Variants in SCG5 observed in about 807,000 individuals in gnomAD.
SCG5 encodes the protein neuroendocrine protein 7B2.
A neutral mutation model predicts 25.7 loss-of-function variants in SCG5; 18 were observed. The observed-to-expected ratio is 0.70, with a 90% CI of 0.48 to 1.04. The LOEUF is 1.04. Among genes scored for constraint, SCG5 ranks in the 50% least tolerant of loss-of-function variants. The probability of loss-of-function intolerance (pLI) is 0.00; values close to 1 mark genes in which losing one functional copy is unlikely to be tolerated. For synonymous variants in SCG5, 101 were observed against 91.7 expected (o/e 1.10, Z -0.58); for missense variants, 206 against 259.8 (o/e 0.79, Z 1.42).
intron 2 of SCG5, among the ~76,000 whole-genome samples, chr15:32,673,491 C>T (rs951184756): frequency 6.6e-6 from 1 of 151,080 alleles, no homozygotes; most frequent in African/African-American, 2.4e-5. Context: ...CCCCACCCTT[C>T]ACCTTGAATC....
chr15:32,650,964 G>A (rs1222258731), intron 2 of SCG5, among the ~76,000 whole-genome samples: 2 of 152,206 alleles, frequency 1.3e-5, no homozygotes, highest in African/African-American at 4.8e-5. Context: ...TTGGGAGGCC[G>A]AGGCGGGCGG....
intron 2 of SCG5, among the ~76,000 whole-genome samples, chr15:32,667,299 T>G (rs532559301): frequency 1.3e-5 from 2 of 152,348 alleles, no homozygotes; most frequent in South Asian, 4.1e-4. Context: ...GTTAAAAATT[T>G]GGTTGGAAGT....
At position 32,643,640 on chromosome 15, in the gene SCG5, G is replaced by A; in HGVS notation, c.48G>A (p.Trp16Ter). The A allele has an allele frequency of 6.2e-7, 1 of 1,613,848 alleles. No homozygotes were observed. The highest frequency in any genetic ancestry group is 8.5e-7 in the Non-Finnish European group (1 of 1,179,870). The change falls in exon 2 of 6, where the codon TGG becomes TGA. Residue 16 changes from tryptophan (W) to a stop codon, truncating the protein, a stop_gained. Transcript: ENST00000300175. LOFTEE classifies it high-confidence loss of function. ...CCATGCTATCTGGCCTACTGTTTTG[G>A]CTGGCATCTGGATGGACTCCAGCAT... Reference protein sequence around the residue: ...VSTMLSGLLFWLASGWTPAFA... With the variant: ...VSTMLSGLLF
chr15:32,694,586 A>C (rs1328680620), intron 5 of SCG5, among the ~76,000 whole-genome samples: 1 of 152,264 alleles, frequency 6.6e-6, no homozygotes, highest in Non-Finnish European at 1.5e-5. Flanking sequence ...ATTACTAAAC[A>C]AAATTCTGAT....
chr15:32,670,784 G>A (rs533482849), intron 2 of SCG5, among the ~76,000 whole-genome samples: 1 of 152,322 alleles, frequency 6.6e-6, no homozygotes, highest in South Asian at 2.1e-4. Flanking sequence ...ACTTTGTTAG[G>A]CAAAGCATGA....
At position 32,643,611 on chromosome 15, in the gene SCG5, T is replaced by G. The variant is rs1273467494; in HGVS notation, c.19T>G (p.Ser7Ala). 31 of 1,613,856 alleles carry G rather than the reference T, an allele frequency of 1.9e-5. No homozygotes were observed. The highest frequency in any genetic ancestry group is 2.5e-5 in the Non-Finnish European group (29 of 1,179,824). ...GTTGACAATGGTCTCCAGGATGGTC[T>G]CTACCATGCTATCTGGCCTACTGTT... MVSRMV[S>A]TMLSGLLFWL... Residue 7 changes from serine to alanine, a missense_variant, in exon 2 of 6, where the codon TCT (serine) becomes GCT (alanine). Coordinates refer to ENST00000300175, the MANE Select transcript of SCG5 (RefSeq NM_001144757.3).
chr15:32,654,677 G>A lies in SCG5; in HGVS notation c.226+10859G>A, dbSNP rs1240215361. On this transcript the variant is annotated intron_variant, in intron 2 of 5. Coordinates refer to ENST00000300175, the MANE Select transcript of SCG5 (RefSeq NM_001144757.3). ...TTTAGCCTCATTGTGAATTGGCATT[G>A]ATGATGAGGAAGAGCTTGCCTTCCT... 2.6e-5 allele frequency among the ~76,000 whole-genome samples: 4 copies of A among 152,168 alleles called. No individual in the cohort carries two copies. In the East Asian group the frequency reaches 7.7e-4, roughly 29 times the overall value.
intron 2 of SCG5, among the ~76,000 whole-genome samples, chr15:32,674,575 A>G (rs2054498793): frequency 6.6e-6 from 1 of 152,230 alleles, no homozygotes; most frequent in African/African-American, 2.4e-5. Flanking sequence ...GGAGTTTTTA[A>G]GTAACCAGAA....
intron 2 of SCG5, chr15:32,672,894 T>C (rs2054458341): frequency 7.2e-6 from 1 of 139,052 alleles, no homozygotes; most frequent in Non-Finnish European, 1.5e-5. Flanking sequence ...ACTTTGAAAC[T>C]GTTGAAACCA....
At chr15:32,682,370 T>C (rs1431749539) in intron 3 of SCG5, among the ~76,000 whole-genome samples, 2 of 152,228 alleles carry the variant, frequency 1.3e-5, no homozygotes, top group African/African-American at 2.4e-5. Context: ...GACTGTAGTA[T>C]GCCACTTTCA....
intron 5 of SCG5, among the ~76,000 whole-genome samples, chr15:32,694,139 C>T (rs2054913770): frequency 6.6e-6 from 1 of 151,910 alleles, no homozygotes. Flanking sequence ...CAAAAACAAA[C>T]CCAAAGCTCA....
At chr15:32,691,266 G>T (rs1212719763) in intron 4 of SCG5, among the ~76,000 whole-genome samples, 1 of 152,210 alleles carries the variant, frequency 6.6e-6, no homozygotes, top group Non-Finnish European at 1.5e-5. Context: ...AATGGTTGCA[G>T]AAGTCAGAAT....
intron 2 of SCG5, among the ~76,000 whole-genome samples, chr15:32,660,207 C>T (rs1277644922): frequency 6.6e-6 from 1 of 152,096 alleles, no homozygotes; most frequent in Middle Eastern, 3.2e-3. Context: ...AGTTTTGGTG[C>T]CTAGGGGTCT....
chr15:32,658,769 G>A (rs902606280), intron 2 of SCG5, among the ~76,000 whole-genome samples: 2 of 152,196 alleles, frequency 1.3e-5, no homozygotes. Flanking sequence ...TGGATGGGAC[G>A]GTGGGTTGGA....
intron 5 of SCG5, among the ~76,000 whole-genome samples, chr15:32,694,048 T>G (rs1204022083): frequency 2.0e-5 from 3 of 152,108 alleles, no homozygotes; most frequent in African/African-American, 7.2e-5. Context: ...AGGTGGAGTT[T>G]GCAGTGAGCC....
chr15:32,696,501 G>T lies in SCG5; in HGVS notation c.544-13G>T. 1 of 1,586,382 alleles carries T rather than the reference G, an allele frequency of 6.3e-7. No individual in the cohort carries two copies. The highest frequency in any genetic ancestry group is 8.6e-7 in the Non-Finnish European group (1 of 1,157,170). On this transcript the variant is annotated splice_polypyrimidine_tract_variant and intron_variant, in intron 5 of 5. Coordinates refer to ENST00000300175, the MANE Select transcript of SCG5 (RefSeq NM_001144757.3). ...ACACCAAACCACATGGTTTTTGTTTGTTTGTTTTTCAGAGTGTCAATCCAT... is the reference window on the plus strand; with the variant it reads ...ACACCAAACCACATGGTTTTTGTTTTTTTGTTTTTCAGAGTGTCAATCCAT...
intron 4 of SCG5, among the ~76,000 whole-genome samples, chr15:32,688,970 A>AG (rs1567089348): frequency 1.3e-5 from 1 of 79,300 alleles, no homozygotes; most frequent in Non-Finnish European, 3.2e-5. Context: ...AAAAAAAAAA[A>AG]AAAAGAAATT....
Position 32,669,193 on chromosome 15 carries a change from T to C in SCG5, c.227-10573T>C, listed in dbSNP as rs1328202990. 6 of 152,248 alleles carry C rather than the reference T, an allele frequency of 3.9e-5. No homozygotes were observed. The South Asian group carries it at 1.2e-3, about 31-fold the overall frequency. 9.4% of individuals were successfully genotyped at this position (152,248 alleles called of 1,614,324 possible). On this transcript the variant is annotated intron_variant, in intron 2 of 5. Coordinates refer to ENST00000300175, the MANE Select transcript of SCG5 (RefSeq NM_001144757.3). ...TAGAGAAGCTTACCCAAAGGAATGA[T>C]ACATAGGACCTGCTATGTCATTGAG...
intron 2 of SCG5, among the ~76,000 whole-genome samples, chr15:32,659,709 C>T (rs2054185327): frequency 6.6e-6 from 1 of 152,170 alleles, no homozygotes; most frequent in Non-Finnish European, 1.5e-5. Context: ...AGGCCTGTGT[C>T]AACAAGCCCT....
Sources: gnomAD v4.1 joint callset for allele counts (sites outside exome capture counted in the v4.1 genomes callset) on GRCh38, gnomAD v4.1.1 for gene constraint, MANE v1.5 for transcripts, NCBI Gene and HGNC (gene_info 2026-07-23, HGNC 2026-07-21) for gene names.